MOV10L1: variants seen among roughly 807,000 people sequenced by gnomAD.
MOV10L1 encodes the protein Mov10 like RNA helicase 1.
Under a neutral mutation model 143.8 loss-of-function variants are expected in MOV10L1, and 110 were observed. That is an observed-to-expected ratio of 0.76 (90% CI 0.66 to 0.90). MOV10L1 has a LOEUF of 0.90. MOV10L1 is among the 40% of genes least tolerant of loss of function. The pLI is 0.00. For synonymous variants in MOV10L1, 593 were observed against 581.1 expected (o/e 1.02, Z -0.29); for missense variants, 1,406 against 1,526.8 (o/e 0.92, Z 1.32).
chr22:50,161,432 C>T lies in MOV10L1; in HGVS notation c.3619C>T (p.His1207Tyr), dbSNP rs1419514256. 6 of 1,595,738 alleles carry T rather than the reference C, an allele frequency of 3.8e-6. No homozygotes were observed. The South Asian group carries it at 5.7e-5, about 15-fold the overall frequency. ...VVPESTGPEK[H>Y]QEPS is the part of the protein sequence containing the mutation. ...GCCAGAATCCACAGGACCAGAGAAGCATCAGGAGCCCAGCTGATCTGCAGT... is the reference window on the plus strand; with the variant it reads ...GCCAGAATCCACAGGACCAGAGAAGTATCAGGAGCCCAGCTGATCTGCAGT... Residue 1207 changes from histidine (H) to tyrosine (Y), a missense_variant, in exon 27 of 27, where the codon CAT (histidine) becomes TAT (tyrosine). His to Tyr is a moderately conservative substitution (Grantham distance 83). Transcript: ENST00000262794.
chr22:50,090,320 T>A, intron 1 of MOV10L1, 135 bp downstream of exon 1: 1 of 1,471,852 alleles, frequency 6.8e-7, no homozygotes, highest in East Asian at 2.5e-5. Flanking sequence ...TCATCTCCGC[T>A]GGCGGGGATC....
chr22:50,135,790 A>G (rs926852434), intron 15 of MOV10L1, among the ~76,000 whole-genome samples: 1 of 151,090 alleles, frequency 6.6e-6, no homozygotes, highest in Non-Finnish European at 1.5e-5. Context: ...CAGTCACTCC[A>G]TAAATAGTAA....
chr22:50,129,509 G>A (rs896740609), intron 13 of MOV10L1, among the ~76,000 whole-genome samples: 18 of 152,154 alleles, frequency 1.2e-4, no homozygotes, highest in African/African-American at 3.9e-4. Context: ...GTGAATACCC[G>A]CTGTTTTTCT....
At chr22:50,160,271 T>A (rs1293777844) in intron 24 of MOV10L1, among the ~76,000 whole-genome samples, 2 of 148,370 alleles carry the variant, frequency 1.3e-5, no homozygotes, top group Non-Finnish European at 3.0e-5. Flanking sequence ...TTTTTTGAGA[T>A]GGCGTCGCTC....
At chr22:50,130,340 A>G (rs1471638441) in intron 13 of MOV10L1, among the ~76,000 whole-genome samples, 1 of 152,174 alleles carries the variant, frequency 6.6e-6, no homozygotes, top group East Asian at 1.9e-4. Context: ...GCTAGTTTTA[A>G]TATAGTCAAA....
chr22:50,157,898 T>TA (rs1185619791), intron 22 of MOV10L1, among the ~76,000 whole-genome samples, 159 bp from the exon 23 acceptor site: 1 of 151,556 alleles, frequency 6.6e-6, no homozygotes, highest in Non-Finnish European at 1.5e-5. Context: ...TCATTTAACA[T>TA]ATGCCATCTG....
intron 3 of MOV10L1, among the ~76,000 whole-genome samples, chr22:50,102,870 C>A (rs11705005): frequency 0.02 from 3,041 of 152,074 alleles, 48 homozygotes; most frequent in Non-Finnish European, 0.03. Context: ...CACTGCACTC[C>A]AGCCTGGGCG....
At chr22:50,107,229 C>T (rs918417188) in intron 3 of MOV10L1, among the ~76,000 whole-genome samples, 4 of 151,508 alleles carry the variant, frequency 2.6e-5, no homozygotes, top group African/African-American at 7.3e-5. Context: ...CGCCTACCAC[C>T]GCTCCCAGCT....
In MOV10L1 at chr22:50,123,109, G is replaced by T. The variant is rs906489808; in HGVS notation, c.1570-2283G>T. ...ACCTGTAATCCCAGCTACCTGGGAG[G>T]CGCTTGAGCCCAAGAGGCAGAGGTT... On this transcript the variant is annotated intron_variant, in intron 10 of 26. Transcript: ENST00000262794. Among the ~76,000 whole-genome samples the T allele has an allele frequency of 2.0e-5, 3 of 151,436 alleles. No individual in the cohort carries two copies. The South Asian group carries it at 6.2e-4, about 31-fold the overall frequency.
chr22:50,102,357 A>T (rs1346117716), intron 3 of MOV10L1, among the ~76,000 whole-genome samples: 1 of 152,236 alleles, frequency 6.6e-6, no homozygotes. Context: ...ACGTAGCTGA[A>T]AGCAGACATA....
chr22:50,122,976 G>A (rs780132390), intron 10 of MOV10L1, among the ~76,000 whole-genome samples: 1 of 151,828 alleles, frequency 6.6e-6, no homozygotes, highest in Non-Finnish European at 1.5e-5. Flanking sequence ...GCAAGTATGG[G>A]TGTGAGCCAC....
intron 19 of MOV10L1, chr22:50,149,360 C>T: frequency 2.0e-6 from 1 of 489,226 alleles, no homozygotes; most frequent in Non-Finnish European, 3.7e-6. Context: ...CGCTCCCACC[C>T]CTTCTTCCCT....
chr22:50,140,700 G>A (rs1440033405), intron 15 of MOV10L1, among the ~76,000 whole-genome samples: 1 of 152,002 alleles, frequency 6.6e-6, no homozygotes, highest in Non-Finnish European at 1.5e-5. Context: ...CTAAAACTTA[G>A]CAATGTGTGT....
intron 5 of MOV10L1, among the ~76,000 whole-genome samples, chr22:50,109,144 A>G (rs565079650): frequency 6.6e-6 from 1 of 152,220 alleles, no homozygotes; most frequent in African/African-American, 2.4e-5. Flanking sequence ...CTCCGTCTCA[A>G]AAAAAGAAAA....
intron 15 of MOV10L1, among the ~76,000 whole-genome samples, chr22:50,137,504 G>A (rs535893867): frequency 1.3e-5 from 2 of 152,086 alleles, no homozygotes; most frequent in African/African-American, 2.4e-5. Context: ...TCGCGCCACT[G>A]CACTCCAGCG....
chr22:50,156,985 G>C (rs2063443099), intron 22 of MOV10L1, among the ~76,000 whole-genome samples: 1 of 152,154 alleles, frequency 6.6e-6, no homozygotes, highest in Non-Finnish European at 1.5e-5. Flanking sequence ...CAGTGCCGCA[G>C]GGTTCCAGTT....
At chr22:50,145,226 G>C (rs2063117397) in intron 18 of MOV10L1, among the ~76,000 whole-genome samples, 1 of 152,212 alleles carries the variant, frequency 6.6e-6, no homozygotes, top group Non-Finnish European at 1.5e-5. Context: ...ACAGGCTTTA[G>C]CCACTGTGCC....
chr22:50,138,360 G>A (rs1311920301), intron 15 of MOV10L1, among the ~76,000 whole-genome samples: 1 of 152,142 alleles, frequency 6.6e-6, no homozygotes, highest in African/African-American at 2.4e-5. Context: ...ACTGAGAACA[G>A]CCTGGGCAAC....
At chr22:50,129,920 AT>A (rs1349462945) in intron 13 of MOV10L1, among the ~76,000 whole-genome samples, 1 of 152,012 alleles carries the variant, frequency 6.6e-6, no homozygotes, top group Non-Finnish European at 1.5e-5. Flanking sequence ...TCCTTTCTGT[AT>A]TCCTTATGAT....
Sources: allele counts gnomAD v4.1 joint callset (sites outside exome capture counted in the v4.1 genomes callset), GRCh38; gene constraint gnomAD v4.1.1; transcripts MANE v1.5; gene names NCBI Gene and HGNC (gene_info 2026-07-23, HGNC 2026-07-21).